Variants in OLFM3 observed in about 807,000 individuals in gnomAD.
OLFM3 encodes the protein noelin-3.
OLFM3 carries 20 observed loss-of-function variants against 48.6 expected under a neutral mutation model. The ratio of observed to expected loss-of-function variants is 0.41; its 90% CI spans 0.29 to 0.60. The LOEUF (loss-of-function observed/expected upper bound fraction) is 0.60. OLFM3 is among the 20% of genes least tolerant of loss of function. OLFM3 has a pLI of 0.28. For missense variants in OLFM3, 437 were observed against 544.3 expected, an observed-to-expected ratio of 0.80 and a Z score of 1.96; for synonymous variants, 222 against 198.1, an observed-to-expected ratio of 1.12 and a Z score of -1.01.
chr1:101,849,475 C>T (rs1299744239), intron 1 of OLFM3, among the ~76,000 whole-genome samples: 1 of 152,180 alleles, frequency 6.6e-6, no homozygotes, highest in African/African-American at 2.4e-5. Flanking sequence ...TTCAGGGTCA[C>T]CCAAAAGTGT....
At chr1:101,888,979 G>A (rs1171405830) in intron 1 of OLFM3, among the ~76,000 whole-genome samples, 4 of 152,018 alleles carry the variant, frequency 2.6e-5, no homozygotes, top group East Asian at 3.9e-4. Flanking sequence ...TTAGAATGGC[G>A]ATCATTAAAA....
rs1210595074 is a variant in OLFM3, at chr1:101,871,705, T to C, written c.70-34680A>G. On this transcript the variant is annotated intron_variant, in intron 1 of 5. Coordinates refer to ENST00000370103, the MANE Select transcript of OLFM3 (RefSeq NM_058170.4). ...TATAATCTAAATTGTATCAAAAGAG[T>C]TAAAATTTTTGATATTTGATACCAT... is the stretch of plus-strand genomic sequence containing the variant. Among the ~76,000 whole-genome samples the C allele has an allele frequency of 4.6e-5, 7 of 151,866 alleles. No individual in the cohort carries two copies. In the East Asian group the frequency reaches 9.7e-4, roughly 21 times the overall value.
At chr1:101,894,030 T>C (rs1658102411) in intron 1 of OLFM3, 1 of 153,938 alleles carries the variant, frequency 6.5e-6, no homozygotes, top group Non-Finnish European at 1.5e-5. Context: ...TCAGAGGTGT[T>C]CAGTGTCAAA....
At chr1:101,829,518 CACTGA>C (rs1655042335) in intron 3 of OLFM3, among the ~76,000 whole-genome samples, 1 of 152,180 alleles carries the variant, frequency 6.6e-6, no homozygotes, top group Admixed American at 6.5e-5. Context: ...TCTGGAGTAC[CACTGA>C]AGAAAATTAC....
intron 1 of OLFM3, among the ~76,000 whole-genome samples, chr1:101,992,155 C>T (rs79905891): frequency 0.016 from 2,411 of 152,180 alleles, 55 homozygotes; most frequent in African/African-American, 0.054. Flanking sequence ...CTCTGTTTCT[C>T]CCACTTGTGC....
At chr1:101,849,924 G>C (rs1441417289) in intron 1 of OLFM3, among the ~76,000 whole-genome samples, 1 of 152,098 alleles carries the variant, frequency 6.6e-6, no homozygotes, top group Non-Finnish European at 1.5e-5. Context: ...GTAGTACAGA[G>C]GGTCACTGGA....
In OLFM3 at chr1:101,803,352, T is replaced by A. The variant is rs915390281; in HGVS notation, c.*886A>T. Reference sequence around the variant, plus strand: ...CAATATTTGGAATCCAGATGCACCTTGTGCAAGAAACTATATGGGTTGCAT... The same window carrying A: ...CAATATTTGGAATCCAGATGCACCTAGTGCAAGAAACTATATGGGTTGCAT... On this transcript the variant is annotated 3_prime_UTR_variant, in exon 6 of 6. Transcript: ENST00000370103. 29 of 152,092 alleles carry A rather than the reference T, an allele frequency of 1.9e-4. No individual in the cohort carries two copies. The highest frequency in any genetic ancestry group is 6.5e-4 in the African/African-American group (27 of 41,388). The allele number at this position is 152,092 out of a possible 1,614,324, so 9.4% of individuals were successfully genotyped here.
At chr1:101,851,492 T>C (rs1656219576) in intron 1 of OLFM3, among the ~76,000 whole-genome samples, 2 of 152,134 alleles carry the variant, frequency 1.3e-5, no homozygotes, top group African/African-American at 4.8e-5. Context: ...TGGAAAGTTT[T>C]GCAGCTTTGC....
chr1:101,951,485 G>A (rs1314628591), intron 1 of OLFM3, among the ~76,000 whole-genome samples: 3 of 151,994 alleles, frequency 2.0e-5, no homozygotes, highest in Non-Finnish European at 4.4e-5. Context: ...ACTAATCATC[G>A]GAATGATCAG....
At chr1:101,987,526 T>A (rs1661279719) in intron 1 of OLFM3, among the ~76,000 whole-genome samples, 1 of 152,114 alleles carries the variant, frequency 6.6e-6, no homozygotes, top group Non-Finnish European at 1.5e-5. Context: ...CATGTAAAAA[T>A]AATGACTGTT....
intron 1 of OLFM3, among the ~76,000 whole-genome samples, chr1:101,954,601 A>C (rs1341898418): frequency 1.3e-5 from 2 of 152,094 alleles, no homozygotes; most frequent in African/African-American, 4.8e-5. Flanking sequence ...TAAAAGTAAT[A>C]ACTCTACTTT....
intron 1 of OLFM3, among the ~76,000 whole-genome samples, chr1:101,907,719 C>T (rs1003443379): frequency 6.6e-6 from 1 of 152,196 alleles, no homozygotes; most frequent in Admixed American, 6.5e-5. Flanking sequence ...AATGAAGAGA[C>T]AAAAGTCGCT....
chr1:101,883,918 A>T (rs1365235195), intron 1 of OLFM3, among the ~76,000 whole-genome samples: 2 of 151,912 alleles, frequency 1.3e-5, no homozygotes, highest in African/African-American at 2.4e-5. Context: ...TTACAAATGG[A>T]AATAAAAAAC....
intron 1 of OLFM3, among the ~76,000 whole-genome samples, chr1:101,987,489 A>T (rs1387736181): frequency 6.6e-6 from 1 of 152,150 alleles, no homozygotes; most frequent in Non-Finnish European, 1.5e-5. Flanking sequence ...ATGTATGAAG[A>T]TTTCATTATG....
intron 1 of OLFM3, among the ~76,000 whole-genome samples, chr1:101,947,283 A>G (rs1659991781): frequency 1.3e-5 from 2 of 152,316 alleles, no homozygotes; most frequent in African/African-American, 4.8e-5. Flanking sequence ...CCAGGAGAAA[A>G]TCAACTGGAA....
intron 1 of OLFM3, among the ~76,000 whole-genome samples, chr1:101,903,236 T>C (rs979579005): frequency 6.6e-6 from 1 of 152,020 alleles, no homozygotes; most frequent in Non-Finnish European, 1.5e-5. Context: ...GAGTGGCTAA[T>C]TGAAAGCACA....
At chr1:101,807,169 G>A (rs1382679323) in intron 4 of OLFM3, among the ~76,000 whole-genome samples, 2 of 151,362 alleles carry the variant, frequency 1.3e-5, no homozygotes, top group African/African-American at 4.8e-5. Context: ...TTCTTACATG[G>A]GTATATTGCA....
chr1:101,831,479 C>A (rs998973032), intron 2 of OLFM3, among the ~76,000 whole-genome samples: 3 of 152,070 alleles, frequency 2.0e-5, no homozygotes, highest in Admixed American at 1.3e-4. Flanking sequence ...GTTCGCTGAA[C>A]CCTGGGCTAT....
chr1:101,950,475 G>T (rs1660107699), intron 1 of OLFM3, among the ~76,000 whole-genome samples: 1 of 142,090 alleles, frequency 7.0e-6, no homozygotes, highest in African/African-American at 2.6e-5. Context: ...GTCTCGCTCT[G>T]TCGCCCAGGC....
Sources: allele counts gnomAD v4.1 joint callset (sites outside exome capture counted in the v4.1 genomes callset), GRCh38; gene constraint gnomAD v4.1.1; transcripts MANE v1.5; gene names NCBI Gene and HGNC (gene_info 2026-07-23, HGNC 2026-07-21).